Variants in NPAS3 observed in about 807,000 individuals in gnomAD.
NPAS3 encodes the protein neuronal PAS domain protein 3, also known as neuronal PAS domain-containing protein 3.
A neutral mutation model predicts 73.1 loss-of-function variants in NPAS3; 14 were observed. The ratio of observed to expected loss-of-function variants is 0.19; its 90% confidence interval spans 0.13 to 0.30. The LOEUF is 0.30. Ranked by LOEUF, NPAS3 falls within the 10% of genes least tolerant of loss-of-function variation. NPAS3 has a pLI of 1.00. For missense variants in NPAS3, 1,096 were observed against 1,250.0 expected (o/e 0.88, Z 1.86); for synonymous variants, 620 against 541.5 (o/e 1.14, Z -2.01).
chr14:33,800,604 G>T lies in NPAS3; in HGVS notation c.2297G>T (p.Gly766Val). ...AAGCACCCCGGGAACGGCGGCGGGGGCGGGGGCGGGGGCGGCGGCGCGGGG... is the reference window on the plus strand; with the variant it reads ...AAGCACCCCGGGAACGGCGGCGGGGTCGGGGGCGGGGGCGGCGGCGCGGGG... Residue 766 changes from glycine to valine, a missense_variant, in exon 12 of 12, where the codon GGC becomes GTC. Transcript: ENST00000356141. This position sits in a 1 kb window ranked among gnomAD's most constrained non-coding sequence, Gnocchi z 6.5. 7.6e-7 allele frequency: 1 copy of T among 1,312,294 alleles called. No individual in the cohort carries two copies. Among genetic ancestry groups the T allele is most frequent in the South Asian group, 2.4e-5 (1 of 41,066 alleles). The allele number at this position is 1,312,294 out of a possible 1,614,324, so 81.3% of individuals were successfully genotyped here. A position where few individuals can be genotyped will look rare whatever the true frequency, so the allele number is the denominator to read the frequency against.
intron 5 of NPAS3, among the ~76,000 whole-genome samples, chr14:33,604,764 C>T (rs2057505259): frequency 6.6e-6 from 1 of 151,978 alleles, no homozygotes; most frequent in African/African-American, 2.4e-5. Flanking sequence ...TGTTCTCTGA[C>T]TACAGAGGAG....
chr14:33,095,422 T>A (rs2042373055), intron 2 of NPAS3, among the ~76,000 whole-genome samples: 1 of 152,194 alleles, frequency 6.6e-6, no homozygotes, highest in Non-Finnish European at 1.5e-5. Context: ...TGTGGTGTCT[T>A]ATTCAGTGCT....
chr14:33,629,311 T>A (rs2058314019), intron 5 of NPAS3, among the ~76,000 whole-genome samples: 1 of 151,864 alleles, frequency 6.6e-6, no homozygotes, highest in Non-Finnish European at 1.5e-5. Flanking sequence ...ATCAGTGATA[T>A]GTCAAGAAGG....
chr14:33,372,107 T>C (rs2046115813), intron 4 of NPAS3, among the ~76,000 whole-genome samples: 1 of 152,160 alleles, frequency 6.6e-6, no homozygotes, highest in South Asian at 2.1e-4. Flanking sequence ...AGTAACTAAT[T>C]GAATTTGGAA....
In NPAS3 at chr14:33,492,976, C is replaced by T. The variant is rs527467757; in HGVS notation, c.469-67145C>T. Among the ~76,000 whole-genome samples the T allele has an allele frequency of 2.0e-5, 3 of 152,258 alleles. No homozygotes were observed. In the East Asian group the frequency reaches 5.8e-4, roughly 29 times the overall value. On this transcript the variant is annotated intron_variant, in intron 4 of 11. Coordinates refer to ENST00000356141, the Ensembl canonical transcript of NPAS3. ...CCCTTAACCTCGATTTATGGTATTTCAGCACTCAGGATATGCATTTTGTTT... is the reference window on the plus strand; with the variant it reads ...CCCTTAACCTCGATTTATGGTATTTTAGCACTCAGGATATGCATTTTGTTT...
intron 1 of NPAS3, among the ~76,000 whole-genome samples, chr14:32,969,036 T>C (rs564047399): frequency 9.1e-4 from 138 of 152,306 alleles, no homozygotes; most frequent in Middle Eastern, 3.4e-3. Context: ...TGTTTGTTTT[T>C]TTGTTCCTGC....
intron 1 of NPAS3, among the ~76,000 whole-genome samples, chr14:32,966,771 C>G (rs547573062): frequency 8.1e-6 from 1 of 122,980 alleles, no homozygotes; most frequent in East Asian, 2.3e-4. Flanking sequence ...AGCGAGACTC[C>G]GTCTCAAAAA....
At chr14:33,234,358 A>G (rs1411255710) in intron 3 of NPAS3, among the ~76,000 whole-genome samples, 1 of 152,148 alleles carries the variant, frequency 6.6e-6, no homozygotes, top group South Asian at 2.1e-4. Context: ...ACGCATGCAA[A>G]TAGGAATTCA....
intron 3 of NPAS3, among the ~76,000 whole-genome samples, chr14:33,231,308 CAA>C (rs1363873246): frequency 5.9e-5 from 9 of 152,258 alleles, no homozygotes; most frequent in African/African-American, 2.2e-4. Context: ...TGACTCCCCT[CAA>C]ATATATATTT....
At chr14:33,361,283 T>C (rs968541615) in intron 3 of NPAS3, among the ~76,000 whole-genome samples, 22 of 152,316 alleles carry the variant, frequency 1.4e-4, no homozygotes, top group Admixed American at 6.5e-5. Context: ...TACAGTGATA[T>C]TTGGTTGCCG....
At chr14:33,401,309 G>C (rs1422891413) in intron 4 of NPAS3, among the ~76,000 whole-genome samples, 2 of 152,122 alleles carry the variant, frequency 1.3e-5, no homozygotes, top group Non-Finnish European at 2.9e-5. Context: ...ACCCTGGCCA[G>C]ATCACGTTTC....
intron 3 of NPAS3, among the ~76,000 whole-genome samples, chr14:33,308,949 C>T (rs1232362593): frequency 6.6e-6 from 1 of 151,986 alleles, no homozygotes; most frequent in Non-Finnish European, 1.5e-5. Flanking sequence ...GGAACTGTGA[C>T]GTAGTTTCTT....
At chr14:33,003,795 G>A (rs1267808587) in intron 1 of NPAS3, among the ~76,000 whole-genome samples, 1 of 152,192 alleles carries the variant, frequency 6.6e-6, no homozygotes, top group Non-Finnish European at 1.5e-5. Context: ...AGAATAGTGT[G>A]TGTGATTTCC....
chr14:32,939,682 A>G (rs1258645977), intron 1 of NPAS3, among the ~76,000 whole-genome samples: 1 of 150,652 alleles, frequency 6.6e-6, no homozygotes, highest in South Asian at 2.1e-4. Context: ...AGAAACAAAC[A>G]GATGCGAAGG....
chr14:33,477,331 A>G (rs989256903), intron 4 of NPAS3, among the ~76,000 whole-genome samples: 15 of 152,130 alleles, frequency 9.9e-5, no homozygotes, highest in Non-Finnish European at 1.3e-4. Flanking sequence ...ATGGAAAGAG[A>G]GAAGCTACCC....
At chr14:33,290,194 GGTTTAT>G (rs2042044875) in intron 3 of NPAS3, among the ~76,000 whole-genome samples, 1 of 152,132 alleles carries the variant, frequency 6.6e-6, no homozygotes, top group African/African-American at 2.4e-5. Flanking sequence ...TTAGCCTGAA[GGTTTAT>G]GTAATATTCA....
At chr14:33,619,950 T>C (rs1229604721) in intron 5 of NPAS3, among the ~76,000 whole-genome samples, 1 of 152,204 alleles carries the variant, frequency 6.6e-6, no homozygotes, top group East Asian at 1.9e-4. Context: ...ATTCTCTGAC[T>C]TTTCTCTGTC....
chr14:33,038,890 A>G (rs1462872942), intron 1 of NPAS3, among the ~76,000 whole-genome samples: 1 of 152,242 alleles, frequency 6.6e-6, no homozygotes, highest in Non-Finnish European at 1.5e-5. Context: ...AGAGTTCATC[A>G]GTTATCTTAG....
At chr14:33,170,429 G>A (rs2045347508) in intron 2 of NPAS3, among the ~76,000 whole-genome samples, 1 of 152,180 alleles carries the variant, frequency 6.6e-6, no homozygotes, top group African/African-American at 2.4e-5. Context: ...GGTGGTTGCT[G>A]AAGTTTGGGG....
Sources: gnomAD v4.1 joint callset for allele counts (sites outside exome capture counted in the v4.1 genomes callset) on GRCh38, gnomAD v4.1.1 for gene constraint, Gnocchi (gnomAD v3.1) non-coding constraint, MANE v1.5 for transcripts, NCBI Gene and HGNC (gene_info 2026-07-23, HGNC 2026-07-21) for gene names.